The following CADM1 variants were observed in gnomAD, a reference collection of about 807,000 sequenced individuals.
CADM1 encodes the protein TSLC-1.
A neutral mutation model predicts 53.1 loss-of-function variants in CADM1; 15 were observed. That is an observed-to-expected ratio of 0.28 (90% confidence interval 0.19 to 0.44). CADM1 has a LOEUF of 0.44. Among genes scored for constraint, CADM1 ranks in the 20% least tolerant of loss-of-function variants. CADM1 has a pLI of 1.00. For missense variants in CADM1, 434 were observed against 611.3 expected, an observed-to-expected ratio of 0.71 and a Z score of 3.06; for synonymous variants, 281 against 243.0, an observed-to-expected ratio of 1.16 and a Z score of -1.45.
At chr11:115,306,868 T>C (rs1238105663) in intron 1 of CADM1, among the ~76,000 whole-genome samples, 2 of 152,014 alleles carry the variant, frequency 1.3e-5, no homozygotes, top group Admixed American at 6.6e-5. Flanking sequence ...GTTAATGCAC[T>C]TTCTATTCAT....
rs531367673 is a variant in CADM1, at chr11:115,231,438, A to G, written c.477T>C (p.Gly159=). ...IDIQKDTAVE[G]EEIEVNCTAM... ...CAGTGCAGTTGACTTCAATCTCCTC[A>G]CCTTCCACCGCAGTGTCTTTCTGGA... The change falls in exon 4 of 12, where the codon GGT becomes GGC. Residue 159 remains glycine (G), a synonymous_variant. Transcript: ENST00000331581. 8.6e-5 allele frequency: 139 copies of G among 1,613,920 alleles called. No individual in the cohort carries two copies. In the South Asian group the frequency reaches 1.2e-3, roughly 14 times the overall value.
intron 1 of CADM1, among the ~76,000 whole-genome samples, chr11:115,338,868 A>ATTTTTTTTATTTTTT (rs1945337568): frequency 8.7e-6 from 1 of 114,502 alleles, no homozygotes; most frequent in African/African-American, 3.4e-5. Context: ...ACCTTCTTTT[A>ATTTTTTTTATTTTTT]TTTTTTTTAT....
intron 1 of CADM1, among the ~76,000 whole-genome samples, chr11:115,302,219 G>A (rs531160566): frequency 1.3e-5 from 2 of 151,956 alleles, no homozygotes; most frequent in East Asian, 1.9e-4. Context: ...TTAATACTGG[G>A]GTGATGAAAT....
chr11:115,231,213 T>A, intron 4 of CADM1, 140 bp downstream of exon 4: 4 of 954,498 alleles, frequency 4.2e-6, no homozygotes, highest in African/African-American at 3.2e-5. Flanking sequence ...GCCTCAGACA[T>A]ATTTAGTAAC....
chr11:115,231,477 A>C lies in CADM1; in HGVS notation c.438T>G (p.Asn146Lys). 1 of 1,614,056 alleles carries C rather than the reference A, an allele frequency of 6.2e-7. No individual in the cohort carries two copies. Among genetic ancestry groups the C allele is most frequent in the Non-Finnish European group, 8.5e-7 (1 of 1,179,906 alleles). The change falls in exon 4 of 12, where the codon AAT (asparagine) becomes AAG (lysine). Residue 146 changes from asparagine to lysine, a missense_variant. Physicochemically the swap from Asn to Lys is moderately conservative, Grantham distance 94 (BLOSUM62 0). This residue lies in a region of CADM1 where 311 missense variants were observed against 435.1 expected (regional missense o/e 0.71). Coordinates refer to ENST00000331581, the MANE Select transcript of CADM1 (RefSeq NM_001301043.2). ...TTITVLVPPR[N>K]LMIDIQKDTA... Reference sequence around the variant, plus strand: ...TGTCTTTCTGGATATCGATCATCAGATTACGTGGTGGGACTACAAATTAAA... The same window carrying C: ...TGTCTTTCTGGATATCGATCATCAGCTTACGTGGTGGGACTACAAATTAAA...
intron 1 of CADM1, among the ~76,000 whole-genome samples, chr11:115,404,939 C>T (rs1242668517): frequency 6.6e-6 from 1 of 151,058 alleles, no homozygotes; most frequent in Non-Finnish European, 1.5e-5. Context: ...GAAAACTCAA[C>T]AGGCCAATAA....
rs1239075932 is a variant in CADM1, at chr11:115,169,415, A to G, written c.*7059T>C. ...TTCTGGCTGTGTTAAGAATCAAGCC[A>G]TCAAGAACAGCTGTGAATGTTATAC... is the stretch of plus-strand genomic sequence containing the variant. On this transcript the variant is annotated 3_prime_UTR_variant, in exon 12 of 12. Transcript: ENST00000331581. The G allele has an allele frequency of 1.1e-5, 4 of 357,406 alleles. No homozygotes were observed. The highest frequency in any genetic ancestry group is 8.5e-5 in the African/African-American group (4 of 46,850). 22.1% of individuals were successfully genotyped at this position (357,406 alleles called of 1,614,324 possible). A position where few individuals can be genotyped will look rare whatever the true frequency, so the allele number is the denominator to read the frequency against.
At chr11:115,394,207 T>G (rs1946926482) in intron 1 of CADM1, among the ~76,000 whole-genome samples, 1 of 152,228 alleles carries the variant, frequency 6.6e-6, no homozygotes, top group African/African-American at 2.4e-5. Context: ...AGCACTGCTT[T>G]ATAAAATTAC....
chr11:115,441,133 A>G (rs1445338947), intron 1 of CADM1, among the ~76,000 whole-genome samples: 1 of 152,100 alleles, frequency 6.6e-6, no homozygotes, highest in Non-Finnish European at 1.5e-5. Flanking sequence ...GAAAAAAAAA[A>G]AAAGTAAAAC....
In CADM1 at chr11:115,370,394, G is replaced by T. The variant is rs75596028; in HGVS notation, c.125-129974C>A. 4.3e-3 allele frequency among the ~76,000 whole-genome samples: 661 copies of T among 152,252 alleles called. 8 individuals carry two copies. Among genetic ancestry groups the T allele is most frequent in the African/African-American group, 0.015 (638 of 41,566 alleles). On this transcript the variant is annotated intron_variant, in intron 1 of 11. Coordinates refer to ENST00000331581, the MANE Select transcript of CADM1 (RefSeq NM_001301043.2). ...TGAAGTCCTAAGCCCTGACGAGGGG[G>T]TATTTGGAGTCAGTCCCTTTGCAGG...
intron 9 of CADM1, among the ~76,000 whole-genome samples, chr11:115,195,394 A>C (rs192898444): frequency 8.9e-4 from 135 of 152,364 alleles, no homozygotes; most frequent in African/African-American, 3.1e-3. Context: ...TTCAAAGGGA[A>C]AGCTTTAAAA....
At chr11:115,289,583 CT>C (rs1242394605) in intron 1 of CADM1, among the ~76,000 whole-genome samples, 5 of 104,562 alleles carry the variant, frequency 4.8e-5, no homozygotes, top group Non-Finnish European at 8.8e-5. Flanking sequence ...ACTGAATTTT[CT>C]TTTTTTTTCT....
At chr11:115,423,762 T>G (rs1329086027) in intron 1 of CADM1, among the ~76,000 whole-genome samples, 1 of 152,228 alleles carries the variant, frequency 6.6e-6, no homozygotes, top group Non-Finnish European at 1.5e-5. Context: ...TGCATATTAA[T>G]CTTTTATGCA....
chr11:115,194,301 G>A (rs1233002182), intron 9 of CADM1, among the ~76,000 whole-genome samples: 2 of 152,168 alleles, frequency 1.3e-5, no homozygotes, highest in African/African-American at 4.8e-5. Context: ...CCCCACAACT[G>A]AATATAAAGT....
At chr11:115,246,318 G>T (rs1942406235) in intron 1 of CADM1, among the ~76,000 whole-genome samples, 1 of 152,188 alleles carries the variant, frequency 6.6e-6, no homozygotes, top group Non-Finnish European at 1.5e-5. Context: ...TTGATTGTCT[G>T]CTCCAAAGAC....
chr11:115,467,687 T>G (rs1275579166), intron 1 of CADM1, among the ~76,000 whole-genome samples: 1 of 152,200 alleles, frequency 6.6e-6, no homozygotes, highest in Non-Finnish European at 1.5e-5. Flanking sequence ...CTAAGACCAT[T>G]GTAATTTTAA....
In CADM1 at chr11:115,182,953, T is replaced by G. The variant is rs149901002; in HGVS notation, c.1166-4178A>C. Among the ~76,000 whole-genome samples, 456 of 152,294 alleles carry G rather than the reference T, an allele frequency of 3.0e-3. 6 individuals carry two copies. The highest frequency in any genetic ancestry group is 0.01 in the African/African-American group (433 of 41,568). On this transcript the variant is annotated intron_variant, in intron 10 of 11. Coordinates refer to ENST00000331581, the MANE Select transcript of CADM1 (RefSeq NM_001301043.2). ...GAATGTTAAGTTGGCCACTACTGCT[T>G]GGGTCACAGCTTCAACAACCCTGGG... is the stretch of plus-strand genomic sequence containing the variant.
At chr11:115,451,511 G>A (rs1948571671) in intron 1 of CADM1, among the ~76,000 whole-genome samples, 1 of 152,172 alleles carries the variant, frequency 6.6e-6, no homozygotes, top group Non-Finnish European at 1.5e-5. Flanking sequence ...GTAGCAATTT[G>A]TGCACAAGTC....
chr11:115,471,290 G>A (rs1949005438), intron 1 of CADM1, among the ~76,000 whole-genome samples: 1 of 152,188 alleles, frequency 6.6e-6, no homozygotes, highest in Admixed American at 6.5e-5. Context: ...AGTCCTTACA[G>A]AAAAACATGA....
Sources: gnomAD v4.1 joint callset for allele counts (sites outside exome capture counted in the v4.1 genomes callset) on GRCh38, gnomAD v4.1.1 for gene constraint, gnomAD v4.1.1 regional missense constraint, MANE v1.5 for transcripts, NCBI Gene and HGNC (gene_info 2026-07-23, HGNC 2026-07-21) for gene names.